ADAMTS2: variants seen among roughly 807,000 people sequenced by gnomAD.
ADAMTS2 encodes ADAM metallopeptidase with thrombospondin type 1 motif 2.
ADAMTS2 carries 50 observed loss-of-function variants against 123.0 expected under a neutral mutation model. That is an observed-to-expected ratio of 0.41 (90% CI 0.32 to 0.51). ADAMTS2 has a LOEUF of 0.51. ADAMTS2 is among the 20% of genes least tolerant of loss of function. The pLI is 0.35. For synonymous variants in ADAMTS2, 678 were observed against 695.4 expected (o/e 0.98, Z 0.39); for missense variants, 1,494 against 1,705.2 (o/e 0.88, Z 2.18).
chr5:179,191,732 G>A (rs369569041), intron 4 of ADAMTS2, among the ~76,000 whole-genome samples: 16 of 152,158 alleles, frequency 1.1e-4, no homozygotes, highest in African/African-American at 2.9e-4. Flanking sequence ...GATAGTCCCC[G>A]GGGTTCTGGG....
chr5:179,123,741 C>G (rs1358493751), intron 19 of ADAMTS2, among the ~76,000 whole-genome samples: 1 of 152,264 alleles, frequency 6.6e-6, no homozygotes, highest in African/African-American at 2.4e-5. Flanking sequence ...CGCCTGTTTT[C>G]AAGACTGGCC....
intron 2 of ADAMTS2, among the ~76,000 whole-genome samples, chr5:179,320,014 T>C (rs163322): frequency 0.4 from 60,116 of 152,180 alleles, 12,215 homozygotes; most frequent in South Asian, 0.55. Flanking sequence ...TGACGGCTCC[T>C]GGAGCAGCCG....
intron 3 of ADAMTS2, among the ~76,000 whole-genome samples, chr5:179,223,527 C>CATGGACTCACACACGA (rs1554131690): frequency 6.8e-6 from 1 of 146,962 alleles, no homozygotes; most frequent in Non-Finnish European, 1.5e-5. Flanking sequence ...CACTCACACA[C>CATGGACTCACACACGA]ATGCACTCAC....
At chr5:179,265,496 C>T (rs1766344391) in intron 3 of ADAMTS2, among the ~76,000 whole-genome samples, 1 of 152,202 alleles carries the variant, frequency 6.6e-6, no homozygotes, top group Non-Finnish European at 1.5e-5. Flanking sequence ...GGGGGCCCAG[C>T]CCTCGCTGGG....
chr5:179,323,211 C>G (rs759231128), intron 2 of ADAMTS2, among the ~76,000 whole-genome samples: 1 of 152,224 alleles, frequency 6.6e-6, no homozygotes, highest in Non-Finnish European at 1.5e-5. Flanking sequence ...ATCCGTGGTC[C>G]CCCTTCTGAC....
At chr5:179,236,282 G>A (rs922726611) in intron 3 of ADAMTS2, among the ~76,000 whole-genome samples, 1 of 152,204 alleles carries the variant, frequency 6.6e-6, no homozygotes, top group African/African-American at 2.4e-5. Context: ...ACAAAGGGCA[G>A]GACTTGTCTT....
At chr5:179,192,773 G>A (rs10074081) in intron 4 of ADAMTS2, among the ~76,000 whole-genome samples, 20,883 of 152,190 alleles carry the variant, frequency 0.14, 2,870 homozygotes, top group African/African-American at 0.35. Context: ...ACCCTATGCT[G>A]CCTCGGGTGC....
chr5:179,325,558 G>A (rs1010776831), intron 2 of ADAMTS2, among the ~76,000 whole-genome samples: 15 of 152,242 alleles, frequency 9.9e-5, no homozygotes, highest in African/African-American at 2.9e-4. Context: ...CTGGCCAGCC[G>A]AAGTCCTGCT....
chr5:179,153,500 C>G lies in ADAMTS2; in HGVS notation c.1506G>C (p.Met502Ile). ...AGGGCTGCACACTCACCGCCGTGCACATCATGTAGCCCAGGCCGAAGTCAA... is the reference window on the plus strand; with the variant it reads ...AGGGCTGCACACTCACCGCCGTGCAGATCATGTAGCCCAGGCCGAAGTCAA... ...CRFDFGLGYM[M>I]CTAFRTFDPC... is the part of the protein sequence containing the mutation. The change falls in exon 9 of 22, where the codon ATG becomes ATC. Residue 502 changes from methionine to isoleucine, a missense_variant. Physicochemically the swap from Met to Ile is conservative, Grantham distance 10 (BLOSUM62 1). Transcript: ENST00000251582. The G allele has an allele frequency of 6.2e-7, 1 of 1,609,482 alleles. No homozygotes were observed.
intron 2 of ADAMTS2, among the ~76,000 whole-genome samples, chr5:179,342,536 C>G (rs1227388570): frequency 2.6e-5 from 4 of 152,382 alleles, no homozygotes; most frequent in Non-Finnish European, 5.9e-5. Context: ...ACAGTGGTTG[C>G]AGAGCCCTGG....
chr5:179,134,590 G>A lies in ADAMTS2; in HGVS notation c.2085+1319C>T, dbSNP rs762030952. ...CACCTCCATAAATTAAAATCCCAAG[G>A]GTACAGAGCAGACACCACCTGTTCT... On this transcript the variant is annotated intron_variant, in intron 13 of 21. Coordinates refer to ENST00000251582, the MANE Select transcript of ADAMTS2 (RefSeq NM_014244.5). Among the ~76,000 whole-genome samples the A allele has an allele frequency of 8.8e-4, 134 of 152,302 alleles. 1 individual carries two copies. Among genetic ancestry groups the A allele is most frequent in the Middle Eastern group, 3.4e-3 (1 of 294 alleles).
rs1764742274 is a variant in ADAMTS2 at position 179,207,831 on chromosome 5, T to C, written c.689-116A>G. ...AACTCATAGCACCCTGAACCGAGGG[T>C]ATTATTCCATTTTACAGAGGAAAGC... On this transcript the variant is annotated intron_variant, in intron 3 of 21. Coordinates refer to ENST00000251582, the MANE Select transcript of ADAMTS2 (RefSeq NM_014244.5). 19 of 906,156 alleles carry C rather than the reference T, an allele frequency of 2.1e-5. 1 individual carries two copies. Among genetic ancestry groups the C allele is most frequent in the Non-Finnish European group, 3.0e-5 (17 of 571,672 alleles). 56.1% of individuals were successfully genotyped at this position (906,156 alleles called of 1,614,324 possible).
chr5:179,139,523 A>T (rs777733928), intron 11 of ADAMTS2, among the ~76,000 whole-genome samples: 2 of 152,052 alleles, frequency 1.3e-5, no homozygotes, highest in Non-Finnish European at 2.9e-5. Context: ...GGCTGCAAAC[A>T]GCTGCCCAGG....
chr5:179,199,728 G>A (rs1166215433), intron 4 of ADAMTS2, among the ~76,000 whole-genome samples: 3 of 152,180 alleles, frequency 2.0e-5, no homozygotes, highest in Non-Finnish European at 4.4e-5. Context: ...GCCTCCCTGA[G>A]TCTGGCTGTG....
At chr5:179,249,577 G>A (rs1270982264) in intron 3 of ADAMTS2, among the ~76,000 whole-genome samples, 1 of 152,024 alleles carries the variant, frequency 6.6e-6, no homozygotes, top group Admixed American at 6.6e-5. Context: ...CATTACTACC[G>A]ACCTTATAGA....
At chr5:179,244,887 C>A (rs1355246400) in intron 3 of ADAMTS2, among the ~76,000 whole-genome samples, 1 of 152,126 alleles carries the variant, frequency 6.6e-6, no homozygotes, top group African/African-American at 2.4e-5. Flanking sequence ...TTTTCAGCTT[C>A]TTTAAGCATG....
At chr5:179,333,600 T>G (rs1222126953) in intron 2 of ADAMTS2, among the ~76,000 whole-genome samples, 9 of 146,574 alleles carry the variant, frequency 6.1e-5, no homozygotes, top group Non-Finnish European at 1.1e-4. Context: ...TTTTCTGTTT[T>G]TTTTTTTTTT....
At chr5:179,215,635 A>G (rs1252747372) in intron 3 of ADAMTS2, among the ~76,000 whole-genome samples, 2 of 152,216 alleles carry the variant, frequency 1.3e-5, no homozygotes, top group African/African-American at 4.8e-5. Flanking sequence ...GCAGAGCAGG[A>G]GGGGAAGAAA....
chr5:179,320,816 G>A (rs1757147334), intron 2 of ADAMTS2, among the ~76,000 whole-genome samples: 1 of 152,190 alleles, frequency 6.6e-6, no homozygotes. Flanking sequence ...AACTATTGCT[G>A]GAATTGTTGG....
Sources: gnomAD v4.1 joint callset for allele counts (sites outside exome capture counted in the v4.1 genomes callset) on GRCh38, gnomAD v4.1.1 for gene constraint, MANE v1.5 for transcripts, NCBI Gene and HGNC (gene_info 2026-07-23, HGNC 2026-07-21) for gene names.